FGF10: variants seen among roughly 807,000 people sequenced by gnomAD.
FGF10 encodes FGF-10.
Under a neutral mutation model 19.8 loss-of-function variants are expected in FGF10, and 2 were observed. The ratio of observed to expected loss-of-function variants is 0.10; its 90% CI spans 0.04 to 0.32. The LOEUF (loss-of-function observed/expected upper bound fraction) is 0.32. Among genes scored for constraint, FGF10 ranks in the 10% least tolerant of loss-of-function variants. The pLI, the probability that FGF10 is intolerant of heterozygous loss-of-function variation, is 1.00. For missense variants in FGF10, 191 were observed against 246.3 expected (o/e 0.78, Z 1.50); for synonymous variants, 112 against 94.0 (o/e 1.19, Z -1.10).
At chr5:44,379,722 C>T (rs941037682) in intron 1 of FGF10, among the ~76,000 whole-genome samples, 1 of 152,156 alleles carries the variant, frequency 6.6e-6, no homozygotes, top group South Asian at 2.1e-4. Context: ...TTATATTTCC[C>T]TCACACCTTT....
intron 1 of FGF10, among the ~76,000 whole-genome samples, chr5:44,326,023 A>G (rs934870608): frequency 6.6e-6 from 1 of 152,214 alleles, no homozygotes; most frequent in South Asian, 2.1e-4. Flanking sequence ...ATCTTATACA[A>G]AAACAGGTCA....
At chr5:44,383,404 G>A (rs1742027575) in intron 1 of FGF10, among the ~76,000 whole-genome samples, 1 of 151,858 alleles carries the variant, frequency 6.6e-6, no homozygotes, top group Admixed American at 6.6e-5. Context: ...TTTTTCTTTT[G>A]TTAAAATTCT....
rs1741546867 is a variant in FGF10, at chr5:44,363,930, T to G, written c.325+24428A>C. Among the ~76,000 whole-genome samples the G allele has an allele frequency of 2.0e-5, 3 of 151,774 alleles. No individual in the cohort carries two copies. The South Asian group carries it at 6.2e-4, about 31-fold the overall frequency. ...ATCACATGGTAATGAAGCAACAAGTTTGCACCTGGTAATAAACAAGACTTC... is the reference window on the plus strand; with the variant it reads ...ATCACATGGTAATGAAGCAACAAGTGTGCACCTGGTAATAAACAAGACTTC... On this transcript the variant is annotated intron_variant, in intron 1 of 2. Transcript: ENST00000264664.
intron 1 of FGF10, among the ~76,000 whole-genome samples, chr5:44,375,034 T>C (rs766656329): frequency 6.6e-6 from 1 of 152,188 alleles, no homozygotes; most frequent in Non-Finnish European, 1.5e-5. Context: ...AACCATCATT[T>C]TAGGTAGGTA....
At chr5:44,311,954 T>C (rs529782936) in intron 1 of FGF10, among the ~76,000 whole-genome samples, 5 of 152,192 alleles carry the variant, frequency 3.3e-5, no homozygotes, top group South Asian at 2.1e-4. Context: ...ATAGAAATGC[T>C]TGAGTTTCCC....
At position 44,317,293 on chromosome 5, in the gene FGF10, A is replaced by G. The variant is rs568984193; in HGVS notation, c.326-6763T>C. Among the ~76,000 whole-genome samples, 26 of 152,310 alleles carry G rather than the reference A, an allele frequency of 1.7e-4. No homozygotes were observed. In the South Asian group the frequency reaches 5.4e-3, roughly 32 times the overall value. On this transcript the variant is annotated intron_variant, in intron 1 of 2. Coordinates refer to ENST00000264664, the MANE Select transcript of FGF10 (RefSeq NM_004465.2). Reference sequence around the variant, plus strand: ...TCTGAATTTGCAGAAAATCCTTTCTATCTCTGGATAAGATGATATATCTTT... The same window carrying G: ...TCTGAATTTGCAGAAAATCCTTTCTGTCTCTGGATAAGATGATATATCTTT...
At chr5:44,358,470 G>A (rs1434233398) in intron 1 of FGF10, among the ~76,000 whole-genome samples, 3 of 151,316 alleles carry the variant, frequency 2.0e-5, no homozygotes. Flanking sequence ...AAAACAGAAG[G>A]GCTACATGAG....
intron 1 of FGF10, among the ~76,000 whole-genome samples, chr5:44,382,843 A>G (rs971692466): frequency 1.3e-5 from 2 of 152,116 alleles, no homozygotes; most frequent in African/African-American, 2.4e-5. Flanking sequence ...GAAAATTCTA[A>G]TATTTTACTT....
At chr5:44,385,123 A>G (rs1156252844) in intron 1 of FGF10, among the ~76,000 whole-genome samples, 3 of 152,194 alleles carry the variant, frequency 2.0e-5, no homozygotes, top group African/African-American at 4.8e-5. Flanking sequence ...GCCTACACAT[A>G]TCTAGTGACA....
chr5:44,336,034 A>G (rs1308906112), intron 1 of FGF10, among the ~76,000 whole-genome samples: 1 of 152,072 alleles, frequency 6.6e-6, no homozygotes, highest in East Asian at 1.9e-4. Flanking sequence ...ACAAATTTGT[A>G]GATGAATAAG....
At chr5:44,360,084 A>G (rs1005560691) in intron 1 of FGF10, among the ~76,000 whole-genome samples, 1 of 151,480 alleles carries the variant, frequency 6.6e-6, no homozygotes, top group Non-Finnish European at 1.5e-5. Flanking sequence ...TGCATTGACC[A>G]GTATTCATTC....
chr5:44,310,459 C>A lies in FGF10; in HGVS notation c.397G>T (p.Ala133Ser). The change falls in exon 2 of 3, where the codon GCC (alanine) becomes TCC (serine). Residue 133 changes from alanine (A) to serine (S), a missense_variant. Ala to Ser is a moderately conservative substitution (Grantham distance 99). Around this residue, in one of 2 missense-constraint regions of FGF10, gnomAD observed 99 missense variants for 161.7 expected, o/e 0.61. Coordinates refer to ENST00000264664, the MANE Select transcript of FGF10 (RefSeq NM_004465.2). ...TAGAGTTTCCCCTTCTTGTTCATGGCTAAGTAATAGTTGCTGTTAATGGCT... is the reference window on the plus strand; with the variant it reads ...TAGAGTTTCCCCTTCTTGTTCATGGATAAGTAATAGTTGCTGTTAATGGCT... ...VKAINSNYYL[A>S]MNKKGKLYGS... The A allele has an allele frequency of 6.2e-7, 1 of 1,612,334 alleles. No individual in the cohort carries two copies. The highest frequency in any genetic ancestry group is 8.5e-7 in the Non-Finnish European group (1 of 1,178,822).
chr5:44,352,264 T>C (rs1741250833), intron 1 of FGF10, among the ~76,000 whole-genome samples: 1 of 151,596 alleles, frequency 6.6e-6, no homozygotes, highest in African/African-American at 2.4e-5. Context: ...GCTCTGACAG[T>C]AGATTTCAAT....
intron 1 of FGF10, among the ~76,000 whole-genome samples, chr5:44,358,350 T>C (rs938030201): frequency 5.3e-5 from 8 of 151,502 alleles, no homozygotes; most frequent in Middle Eastern, 6.3e-3. Flanking sequence ...CACATAATCT[T>C]AAATTAAGAA....
intron 1 of FGF10, among the ~76,000 whole-genome samples, chr5:44,345,865 A>T (rs1021476604): frequency 1.3e-5 from 2 of 151,596 alleles, no homozygotes; most frequent in African/African-American, 2.4e-5. Context: ...CTCTTGCTCT[A>T]CTCAGTATGA....
intron 2 of FGF10, 65 bp downstream of exon 2, chr5:44,310,362 A>C: frequency 9.0e-7 from 1 of 1,115,150 alleles, no homozygotes; most frequent in Non-Finnish European, 1.4e-6. Context: ...TGTCTGGAGG[A>C]AACTTTCCAA....
At chr5:44,365,310 G>A (rs1741579798) in intron 1 of FGF10, among the ~76,000 whole-genome samples, 1 of 137,200 alleles carries the variant, frequency 7.3e-6, no homozygotes, top group Admixed American at 7.7e-5. Context: ...GTCTCCTCAT[G>A]TCTCTTTTCT....
chr5:44,346,257 C>G (rs1741088322), intron 1 of FGF10, among the ~76,000 whole-genome samples: 1 of 151,784 alleles, frequency 6.6e-6, no homozygotes, highest in Non-Finnish European at 1.5e-5. Context: ...TCTACAGCTC[C>G]ACTGTCAGTG....
chr5:44,335,273 A>G (rs1378841623), intron 1 of FGF10, among the ~76,000 whole-genome samples: 1 of 152,072 alleles, frequency 6.6e-6, no homozygotes, highest in Non-Finnish European at 1.5e-5. Context: ...AGAAGAAATG[A>G]CCTACTCTCC....
Sources: gnomAD v4.1 joint callset for allele counts (sites outside exome capture counted in the v4.1 genomes callset) on GRCh38, gnomAD v4.1.1 for gene constraint, gnomAD v4.1.1 regional missense constraint, MANE v1.5 for transcripts, NCBI Gene and HGNC (gene_info 2026-07-23, HGNC 2026-07-21) for gene names.